The following PRELID2 variants were observed in gnomAD, a reference collection of about 807,000 sequenced individuals.
The protein encoded by PRELID2 is PRELI domain containing 2.
PRELID2 carries 25 observed loss-of-function variants against 28.4 expected under a neutral mutation model. That is an observed-to-expected ratio of 0.88 (90% CI 0.64 to 1.23). PRELID2 has a LOEUF of 1.23. PRELID2 is among the 50% of genes most tolerant of loss of function. The probability of loss-of-function intolerance (pLI) is 0.00; values close to 1 mark genes in which losing one functional copy is unlikely to be tolerated. For missense variants in PRELID2, 201 were observed against 214.4 expected (o/e 0.94, Z 0.39); for synonymous variants, 76 against 71.6 (o/e 1.06, Z -0.31).
At chr5:145,785,100 A>G (rs1412549301) in intron 5 of PRELID2, among the ~76,000 whole-genome samples, 2 of 152,222 alleles carry the variant, frequency 1.3e-5, no homozygotes, top group Non-Finnish European at 2.9e-5. Context: ...AATGTCTCTT[A>G]AAGCTGACAA....
At chr5:145,465,983 G>A in the PRELID2 span, among the ~76,000 whole-genome samples, 1 of 152,052 alleles carries the variant, frequency 6.6e-6, no homozygotes, top group African/African-American at 2.4e-5. Context: ...CAGCTTTAGT[G>A]ACATCTATAA....
chr5:145,398,340 T>C, the PRELID2 span, among the ~76,000 whole-genome samples: 1 of 152,172 alleles, frequency 6.6e-6, no homozygotes, highest in Non-Finnish European at 1.5e-5. Context: ...CTGAGTTTTA[T>C]TTTATCCAGC....
the PRELID2 span, among the ~76,000 whole-genome samples, chr5:145,303,422 C>T: frequency 5.3e-5 from 8 of 152,258 alleles, no homozygotes; most frequent in Non-Finnish European, 1.2e-4. Flanking sequence ...GCTTATATTG[C>T]TTTTATATTA....
intron 1 of PRELID2, among the ~76,000 whole-genome samples, chr5:145,642,898 A>G (rs1364295276): frequency 2.0e-5 from 3 of 152,200 alleles, no homozygotes; most frequent in African/African-American, 7.2e-5. Flanking sequence ...TACCAGTACC[A>G]TGCTGTTTTG....
chr5:145,429,541 G>A, the PRELID2 span, among the ~76,000 whole-genome samples: 4 of 152,110 alleles, frequency 2.6e-5, no homozygotes, highest in African/African-American at 7.2e-5. Flanking sequence ...GATATTTCAG[G>A]GAAGAGATAC....
At chr5:145,393,136 C>A in the PRELID2 span, among the ~76,000 whole-genome samples, 1 of 152,150 alleles carries the variant, frequency 6.6e-6, no homozygotes, top group Non-Finnish European at 1.5e-5. Flanking sequence ...ATCACACAAT[C>A]AGATGCTGGC....
chr5:145,801,307 T>C (rs1364610658), intron 4 of PRELID2, among the ~76,000 whole-genome samples: 1 of 152,152 alleles, frequency 6.6e-6, no homozygotes, highest in Admixed American at 6.6e-5. Flanking sequence ...TTAAATCACC[T>C]CTTGGCTTTC....
intron 1 of PRELID2, among the ~76,000 whole-genome samples, chr5:145,599,213 T>C (rs1263183306): frequency 6.6e-6 from 1 of 152,214 alleles, no homozygotes; most frequent in Non-Finnish European, 1.5e-5. Flanking sequence ...GACAGTTCTA[T>C]TACCACACAG....
At chr5:145,324,139 C>A in the PRELID2 span, among the ~76,000 whole-genome samples, 2 of 152,082 alleles carry the variant, frequency 1.3e-5, no homozygotes, top group African/African-American at 2.4e-5. Flanking sequence ...GGAAATCAGA[C>A]CTAGTAAAAT....
the PRELID2 span, among the ~76,000 whole-genome samples, chr5:145,428,562 A>C: frequency 6.6e-6 from 1 of 152,118 alleles, no homozygotes; most frequent in Non-Finnish European, 1.5e-5. Flanking sequence ...GGGGGCAGGG[A>C]GGAGGAGATA....
At chr5:145,783,293 G>A (rs777880836) in intron 5 of PRELID2, among the ~76,000 whole-genome samples, 2 of 152,178 alleles carry the variant, frequency 1.3e-5, no homozygotes, top group Non-Finnish European at 2.9e-5. Context: ...GGATTCCCAG[G>A]TTTCACAGTC....
intron 2 of PRELID2, among the ~76,000 whole-genome samples, chr5:145,821,135 G>A (rs1374521681): frequency 6.6e-6 from 1 of 150,590 alleles, no homozygotes; most frequent in Non-Finnish European, 1.5e-5. Context: ...TCACCTGATG[G>A]TCATCCAACT....
the PRELID2 span, chr5:145,229,500 A>C: frequency 3.2e-5 from 38 of 1,195,032 alleles, 1 homozygote; most frequent in South Asian, 4.5e-4. Flanking sequence ...ATCCAATTCA[A>C]AAAAGGAGTC....
chr5:145,628,163 C>A (rs377504213), intron 1 of PRELID2, among the ~76,000 whole-genome samples: 1 of 151,222 alleles, frequency 6.6e-6, no homozygotes, highest in African/African-American at 2.5e-5. Flanking sequence ...GGCAATTAGG[C>A]AATCTATACA....
At chr5:145,677,337 T>C (rs998703507) in intron 1 of PRELID2, among the ~76,000 whole-genome samples, 1 of 152,020 alleles carries the variant, frequency 6.6e-6, no homozygotes, top group Non-Finnish European at 1.5e-5. Context: ...GTATTTTTAG[T>C]AGAGACAGGG....
chr5:145,263,854 CAAAAA>C, the PRELID2 span, among the ~76,000 whole-genome samples: 1 of 123,162 alleles, frequency 8.1e-6, no homozygotes. Flanking sequence ...AAAAAGTTAC[CAAAAA>C]AAAAAAAAAA....
intron 4 of PRELID2, 46 bp from the exon 5 acceptor site, chr5:145,796,593 G>A (rs949243048): frequency 4.9e-6 from 6 of 1,223,940 alleles, no homozygotes; most frequent in East Asian, 2.5e-5. Flanking sequence ...TTCTATGCTT[G>A]GATATGTAAA....
chr5:145,352,758 T>C, the PRELID2 span, among the ~76,000 whole-genome samples: 1 of 152,192 alleles, frequency 6.6e-6, no homozygotes, highest in African/African-American at 2.4e-5. Context: ...CTTTGCTGCT[T>C]GGAAACTTCT....
intron 4 of PRELID2, among the ~76,000 whole-genome samples, chr5:145,801,530 T>C (rs1753140881): frequency 6.6e-6 from 1 of 152,210 alleles, no homozygotes; most frequent in Non-Finnish European, 1.5e-5. Flanking sequence ...TACTTACTCC[T>C]CGAAACCCAG....
Sources: allele counts gnomAD v4.1 joint callset (sites outside exome capture counted in the v4.1 genomes callset), GRCh38; gene constraint gnomAD v4.1.1; transcripts MANE v1.5; gene names NCBI Gene and HGNC (gene_info 2026-07-23, HGNC 2026-07-21).